ADGRL2: variants seen among roughly 807,000 people sequenced by gnomAD.
ADGRL2 encodes the protein adhesion G protein-coupled receptor L2, also known as calcium-independent alpha-latrotoxin receptor 2.
A neutral mutation model predicts 157.4 loss-of-function variants in ADGRL2; 44 were observed. That is an observed-to-expected ratio of 0.28 (90% CI 0.22 to 0.36). The LOEUF is 0.36. Ranked by LOEUF, ADGRL2 falls within the 10% of genes least tolerant of loss-of-function variation. ADGRL2 has a pLI of 1.00. For missense variants in ADGRL2, 1,510 were observed against 1,768.9 expected, an observed-to-expected ratio of 0.85 and a Z score of 2.63; for synonymous variants, 585 against 624.7, an observed-to-expected ratio of 0.94 and a Z score of 0.95.
intron 3 of ADGRL2, among the ~76,000 whole-genome samples, chr1:81,588,130 C>A (rs2081063679): frequency 6.6e-6 from 1 of 152,012 alleles, no homozygotes; most frequent in Non-Finnish European, 1.5e-5. Context: ...TGAAAACTGG[C>A]CTTAGCTGAG....
chr1:81,356,952 C>CAAAAAAAAAAAAAAAAAA lies in ADGRL2; in HGVS notation c.-302+50447_-302+50464dup, dbSNP rs757239865. On this transcript the variant is annotated intron_variant, in intron 1 of 24. Coordinates refer to the ADGRL2 transcript ENST00000370721. ...TGGGGGACAAAATGAGACTCCGTCT[C>CAAAAAAAAAAAAAAAAAA]AAAAAAAAAAAAAAAAAAAAAGAAG... Among the ~76,000 whole-genome samples the CAAAAAAAAAAAAAAAAAA allele has an allele frequency of 2.4e-3, 131 of 55,648 alleles. 5 individuals carry two copies. The highest frequency in any genetic ancestry group is 4.1e-3 in the African/African-American group (56 of 13,584). 36.5% of individuals were successfully genotyped at this position (55,648 alleles called of 152,430 possible). A position where few individuals can be genotyped will look rare whatever the true frequency, so the allele number is the denominator to read the frequency against.
chr1:81,369,624 C>T (rs769564430), intron 1 of ADGRL2, among the ~76,000 whole-genome samples: 1 of 151,984 alleles, frequency 6.6e-6, no homozygotes, highest in Non-Finnish European at 1.5e-5. Flanking sequence ...AAGCGACTGG[C>T]TCATTTGAAA....
At chr1:81,948,911 T>C (rs1650842771) in intron 6 of ADGRL2, among the ~76,000 whole-genome samples, 1 of 152,178 alleles carries the variant, frequency 6.6e-6, no homozygotes, top group African/African-American at 2.4e-5. Context: ...TAGAAACATG[T>C]CACACTACTT....
At chr1:81,896,042 A>C (rs1037429074) in intron 2 of ADGRL2, among the ~76,000 whole-genome samples, 16 of 152,298 alleles carry the variant, frequency 1.1e-4, no homozygotes, top group South Asian at 6.2e-4. Flanking sequence ...GTGGGAGTGA[A>C]TTAATGAAAT....
chr1:81,938,960 A>G lies in ADGRL2; in HGVS notation c.397+2123A>G, dbSNP rs1460796443. On this transcript the variant is annotated intron_variant, in intron 4 of 23. Coordinates refer to ENST00000686636, the MANE Select transcript of ADGRL2 (RefSeq NM_001366006.2). ...TGTTTTTATGTTTTGTAACATTTGC[A>G]TACCTCTTTTACACGTTACTTAGTT... Among the ~76,000 whole-genome samples the G allele has an allele frequency of 3.3e-5, 5 of 151,464 alleles. No individual in the cohort carries two copies. In the Admixed American group the frequency reaches 3.3e-4, roughly 10 times the overall value.
intron 11 of ADGRL2, among the ~76,000 whole-genome samples, chr1:81,957,675 C>T (rs1653986039): frequency 1.3e-5 from 2 of 151,904 alleles, no homozygotes; most frequent in African/African-American, 4.8e-5. Flanking sequence ...TGCCACTGCA[C>T]TCCACCCTGG....
intron 1 of ADGRL2, among the ~76,000 whole-genome samples, chr1:81,744,433 T>C (rs1199065726): frequency 6.6e-6 from 1 of 152,186 alleles, no homozygotes; most frequent in Non-Finnish European, 1.5e-5. Context: ...ACACAGTTTG[T>C]GTCTGATTTT....
intron 1 of ADGRL2, among the ~76,000 whole-genome samples, chr1:81,310,196 T>C (rs926369254): frequency 6.6e-6 from 1 of 152,168 alleles, no homozygotes; most frequent in African/African-American, 2.4e-5. Flanking sequence ...TATAATTATC[T>C]GTTCTTGTGT....
At position 81,955,950 on chromosome 1, in the gene ADGRL2, A is replaced by C; in HGVS notation, c.1907A>C (p.Glu636Ala). ...TCATGGAAACATATGAATTCTTCTG[A>C]ACAAGCACATACTGCAACAATGTTA... ...LESWKHMNSS[E>A]QAHTATMLLD... Residue 636 changes from glutamate to alanine, a missense_variant, in exon 11 of 24, where the codon GAA (glutamate) becomes GCA (alanine). Transcript: ENST00000686636. 1 of 1,610,344 alleles carries C rather than the reference A, an allele frequency of 6.2e-7. No individual in the cohort carries two copies. Among genetic ancestry groups the C allele is most frequent in the South Asian group, 1.1e-5 (1 of 90,336 alleles).
intron 2 of ADGRL2, among the ~76,000 whole-genome samples, chr1:81,888,700 C>T (rs1284066226): frequency 7.2e-5 from 11 of 152,260 alleles, no homozygotes; most frequent in Admixed American, 7.2e-4. Flanking sequence ...GATCTGCCCC[C>T]CTTGGCCTCC....
At chr1:81,490,858 C>T (rs774300896) in intron 2 of ADGRL2, among the ~76,000 whole-genome samples, 1 of 152,166 alleles carries the variant, frequency 6.6e-6, no homozygotes, top group Non-Finnish European at 1.5e-5. Flanking sequence ...CAACTTTATT[C>T]ATCATAACCC....
chr1:81,992,516 A>T lies in ADGRL2; in HGVS notation c.*1371A>T, dbSNP rs528370557. ...TTTAAGTAACGTCATACCAAAGTCC[A>T]TGGATATATGAAAGGATACAATTAA... On this transcript the variant is annotated 3_prime_UTR_variant, in exon 24 of 24. Transcript: ENST00000686636. 6.6e-6 allele frequency: 1 copy of T among 152,586 alleles called. No individual in the cohort carries two copies. Among genetic ancestry groups the T allele is most frequent in the East Asian group, 1.9e-4 (1 of 5,180 alleles). The allele number at this position is 152,586 out of a possible 1,614,324, so 9.5% of individuals were successfully genotyped here. A position where few individuals can be genotyped will look rare whatever the true frequency, so the allele number is the denominator to read the frequency against.
chr1:81,932,607 A>T (rs2095249345), intron 3 of ADGRL2, among the ~76,000 whole-genome samples: 2 of 152,166 alleles, frequency 1.3e-5, no homozygotes, highest in African/African-American at 4.8e-5. Context: ...GTCACCTGCA[A>T]CACTTGTTAA....
At chr1:81,686,841 T>G (rs1193593599) in intron 3 of ADGRL2, among the ~76,000 whole-genome samples, 1 of 152,190 alleles carries the variant, frequency 6.6e-6, no homozygotes, top group Non-Finnish European at 1.5e-5. Flanking sequence ...GTATCATAAT[T>G]GTCATTCAGT....
At chr1:81,738,781 A>G (rs562496382) in intron 1 of ADGRL2, among the ~76,000 whole-genome samples, 3 of 152,264 alleles carry the variant, frequency 2.0e-5, no homozygotes, top group African/African-American at 7.2e-5. Flanking sequence ...CATTTTCCTC[A>G]TGCTTTCTTG....
intron 1 of ADGRL2, among the ~76,000 whole-genome samples, chr1:81,422,671 G>A (rs540660146): frequency 2.7e-4 from 41 of 152,134 alleles, no homozygotes; most frequent in Non-Finnish European, 5.7e-4. Context: ...GAAATTATAA[G>A]AGTCTGGAAG....
intron 1 of ADGRL2, among the ~76,000 whole-genome samples, chr1:81,804,835 A>C (rs764616833): frequency 4.4e-4 from 67 of 152,312 alleles, no homozygotes; most frequent in Non-Finnish European, 9.3e-4. Context: ...GTTTTTAATT[A>C]GTCTCTAAAA....
At chr1:81,635,541 G>A (rs945556181) in intron 3 of ADGRL2, among the ~76,000 whole-genome samples, 2 of 152,134 alleles carry the variant, frequency 1.3e-5, no homozygotes, top group Admixed American at 6.6e-5. Context: ...AAGGGTCAAC[G>A]TGCAGACAGA....
intron 2 of ADGRL2, among the ~76,000 whole-genome samples, chr1:81,571,864 T>C (rs2080701231): frequency 6.6e-6 from 1 of 152,208 alleles, no homozygotes; most frequent in African/African-American, 2.4e-5. Flanking sequence ...CACATATTTG[T>C]TGAATGAATT....
Sources: allele counts gnomAD v4.1 joint callset (sites outside exome capture counted in the v4.1 genomes callset), GRCh38; gene constraint gnomAD v4.1.1; transcripts MANE v1.5; gene names NCBI Gene and HGNC (gene_info 2026-07-23, HGNC 2026-07-21).